Variants in ENTREP2 observed in about 807,000 individuals in gnomAD.
ENTREP2 encodes protein ENTREP2.
the ENTREP2 span, among the ~76,000 whole-genome samples, chr15:29,400,066 ATACT>A: frequency 3.1e-4 from 47 of 152,358 alleles, no homozygotes; most frequent in African/African-American, 9.9e-4. Context: ...TATGCCAGAT[ATACT>A]TACTAAGTTT....
the ENTREP2 span, among the ~76,000 whole-genome samples, chr15:29,333,014 A>G: frequency 7.2e-5 from 11 of 151,988 alleles, no homozygotes; most frequent in African/African-American, 2.7e-4. Flanking sequence ...GAGTCTTTCT[A>G]AAGTGCATTC....
the ENTREP2 span, among the ~76,000 whole-genome samples, chr15:29,637,199 A>C: frequency 6.6e-6 from 1 of 152,190 alleles, no homozygotes; most frequent in African/African-American, 2.4e-5. Context: ...GTCCTTGAGA[A>C]AGCCAGCCCC....
the ENTREP2 span, among the ~76,000 whole-genome samples, chr15:29,469,034 G>A: frequency 3.1e-4 from 47 of 152,266 alleles, no homozygotes; most frequent in African/African-American, 1.0e-3. Context: ...GGATAAGGCT[G>A]GAAGAGCATC....
At chr15:29,465,207 A>G in the ENTREP2 span, among the ~76,000 whole-genome samples, 2 of 151,994 alleles carry the variant, frequency 1.3e-5, no homozygotes, top group South Asian at 2.1e-4. Flanking sequence ...AAACTGGGTG[A>G]CCAGCCTTCA....
chr15:29,614,470 C>T, the ENTREP2 span, among the ~76,000 whole-genome samples: 1 of 152,070 alleles, frequency 6.6e-6, no homozygotes, highest in Non-Finnish European at 1.5e-5. Flanking sequence ...TAGAGCAGTG[C>T]CTGGTACATA....
the ENTREP2 span, among the ~76,000 whole-genome samples, chr15:29,525,543 G>A: frequency 6.6e-6 from 1 of 152,198 alleles, no homozygotes; most frequent in Non-Finnish European, 1.5e-5. Context: ...CACCCACTGG[G>A]ATACTACCAG....
the ENTREP2 span, among the ~76,000 whole-genome samples, chr15:29,591,607 G>C: frequency 6.6e-6 from 1 of 152,070 alleles, no homozygotes; most frequent in African/African-American, 2.4e-5. Flanking sequence ...CTCATAAAAA[G>C]AGAAGGCTGG....
chr15:29,155,004 C>G, the ENTREP2 span, among the ~76,000 whole-genome samples: 25 of 151,306 alleles, frequency 1.7e-4, no homozygotes, highest in East Asian at 1.2e-3. Flanking sequence ...CAGAACCGGC[C>G]GGGCGTGGTG....
chr15:29,218,874 C>T, the ENTREP2 span, among the ~76,000 whole-genome samples: 739 of 152,290 alleles, frequency 4.9e-3, 3 homozygotes, highest in African/African-American at 0.017. Context: ...TAGAAGATAA[C>T]TTTGGAGAAA....
chr15:29,411,441 C>A, the ENTREP2 span, among the ~76,000 whole-genome samples: 1 of 152,192 alleles, frequency 6.6e-6, no homozygotes, highest in Non-Finnish European at 1.5e-5. Context: ...TCCATGCTGA[C>A]TGGGGCATGT....
chr15:29,567,258 T>G, the ENTREP2 span, among the ~76,000 whole-genome samples: 1 of 152,176 alleles, frequency 6.6e-6, no homozygotes, highest in South Asian at 2.1e-4. Flanking sequence ...TCTCCAACCT[T>G]GCCGAGTCCT....
chr15:29,455,446 C>T, the ENTREP2 span, among the ~76,000 whole-genome samples: 1 of 152,184 alleles, frequency 6.6e-6, no homozygotes, highest in African/African-American at 2.4e-5. Flanking sequence ...GCCATTATTA[C>T]TACTATTATT....
chr15:29,490,538 G>C, the ENTREP2 span, among the ~76,000 whole-genome samples: 1 of 152,174 alleles, frequency 6.6e-6, no homozygotes, highest in Non-Finnish European at 1.5e-5. Flanking sequence ...CCGTTTTACA[G>C]AGAGCTAATT....
At chr15:29,353,139 AT>A in the ENTREP2 span, among the ~76,000 whole-genome samples, 12,268 of 151,366 alleles carry the variant, frequency 0.081, 967 homozygotes, top group African/African-American at 0.21. Flanking sequence ...ACACAGCGGC[AT>A]TTTTTTTTAA....
At chr15:29,595,755 A>G in the ENTREP2 span, among the ~76,000 whole-genome samples, 1 of 152,096 alleles carries the variant, frequency 6.6e-6, no homozygotes, top group Non-Finnish European at 1.5e-5. Context: ...TTTTGGACAT[A>G]TATTTATTTA....
At chr15:29,632,348 G>C in the ENTREP2 span, among the ~76,000 whole-genome samples, 6 of 152,192 alleles carry the variant, frequency 3.9e-5, no homozygotes, top group Non-Finnish European at 7.4e-5. Context: ...GGACCAGAAA[G>C]CCAGCTGCTT....
chr15:29,252,440 C>T, the ENTREP2 span: 1 of 1,551,026 alleles, frequency 6.4e-7, no homozygotes, highest in Non-Finnish European at 8.7e-7. Context: ...CCAAATTCAG[C>T]ATTACACACA....
chr15:29,234,520 G>A, the ENTREP2 span: 1 of 1,392,486 alleles, frequency 7.2e-7, no homozygotes, highest in Admixed American at 1.7e-5. Context: ...CAACGGCAAG[G>A]TAATATGGTA....
At chr15:29,124,327 A>T in the ENTREP2 span, among the ~76,000 whole-genome samples, 1 of 152,230 alleles carries the variant, frequency 6.6e-6, no homozygotes, top group Non-Finnish European at 1.5e-5. Flanking sequence ...GCTTCACGCC[A>T]CACAAAGTTG....
Sources: allele counts gnomAD v4.1 joint callset (sites outside exome capture counted in the v4.1 genomes callset), GRCh38; gene constraint gnomAD v4.1.1; transcripts MANE v1.5; gene names NCBI Gene and HGNC (gene_info 2026-07-23, HGNC 2026-07-21).